The following TAFA1 variants were observed in gnomAD, a reference collection of about 807,000 sequenced individuals.
TAFA1 encodes the protein TAFA chemokine like family member 1.
A neutral mutation model predicts 18.5 loss-of-function variants in TAFA1; 4 were observed. That is an observed-to-expected ratio of 0.22 (90% CI 0.11 to 0.49). The LOEUF (loss-of-function observed/expected upper bound fraction) is 0.49, where lower values mean the gene tolerates loss of function less well. TAFA1 is among the 20% of genes least tolerant of loss of function. The pLI is 0.98. For missense variants in TAFA1, 147 were observed against 169.0 expected (o/e 0.87, Z 0.72); for synonymous variants, 56 against 55.2 (o/e 1.01, Z -0.06).
At chr3:68,092,077 T>A (rs1183502836) in intron 2 of TAFA1, among the ~76,000 whole-genome samples, 1 of 152,076 alleles carries the variant, frequency 6.6e-6, no homozygotes, top group Non-Finnish European at 1.5e-5. Context: ...AAGCCCAAAT[T>A]CTGTAATAAG....
intron 2 of TAFA1, among the ~76,000 whole-genome samples, chr3:68,263,659 G>A (rs560084122): frequency 8.7e-4 from 132 of 151,982 alleles, no homozygotes; most frequent in African/African-American, 3.0e-3. Context: ...GTGGAGGGGC[G>A]GGGGGCGGTC....
At chr3:68,046,248 A>AT (rs367580466) in intron 2 of TAFA1, among the ~76,000 whole-genome samples, 2,763 of 152,028 alleles carry the variant, frequency 0.018, 41 homozygotes, top group Non-Finnish European at 0.025. Flanking sequence ...GGTCTAGATG[A>AT]TTTTTTTTGT....
chr3:68,396,661 T>A (rs1005915429), intron 2 of TAFA1, among the ~76,000 whole-genome samples: 1 of 152,208 alleles, frequency 6.6e-6, no homozygotes, highest in African/African-American at 2.4e-5. Flanking sequence ...TCAACAAAAC[T>A]GCCATAGACA....
At chr3:68,400,858 G>A (rs1191641640) in intron 2 of TAFA1, among the ~76,000 whole-genome samples, 2 of 152,136 alleles carry the variant, frequency 1.3e-5, no homozygotes, top group African/African-American at 4.8e-5. Context: ...TGGCCTCAGC[G>A]GACTTTCATT....
At chr3:68,270,226 T>G (rs1559591207) in intron 2 of TAFA1, among the ~76,000 whole-genome samples, 1 of 152,160 alleles carries the variant, frequency 6.6e-6, no homozygotes, top group African/African-American at 2.4e-5. Flanking sequence ...TTAATCCCTC[T>G]AAGCCCCTGT....
chr3:68,529,471 A>C, intron 3 of TAFA1, among the ~76,000 whole-genome samples: 3 of 145,338 alleles, frequency 2.1e-5, no homozygotes, highest in Admixed American at 6.9e-5. Context: ...AAAAAAGAAC[A>C]CAAGCTGCTT....
At chr3:68,444,228 G>A (rs767161822) in intron 3 of TAFA1, among the ~76,000 whole-genome samples, 6 of 152,028 alleles carry the variant, frequency 3.9e-5, no homozygotes, top group African/African-American at 1.2e-4. Context: ...AGTGAAATAC[G>A]TTTTTTAAAA....
chr3:68,429,424 C>T (rs146302723), intron 3 of TAFA1, among the ~76,000 whole-genome samples: 1 of 151,858 alleles, frequency 6.6e-6, no homozygotes, highest in Non-Finnish European at 1.5e-5. Flanking sequence ...TAGATCATTC[C>T]TTCCAGGACA....
At chr3:68,288,052 T>C (rs902720) in intron 2 of TAFA1, among the ~76,000 whole-genome samples, 96,639 of 151,872 alleles carry the variant, frequency 0.64, 31,317 homozygotes, top group East Asian at 0.98. Flanking sequence ...GCGCTTTCCT[T>C]GGGTTCCGAA....
chr3:68,008,244 A>G (rs1373286450), intron 2 of TAFA1, among the ~76,000 whole-genome samples: 1 of 152,244 alleles, frequency 6.6e-6, no homozygotes, highest in East Asian at 1.9e-4. Context: ...CCCTCAGTGC[A>G]GCCGAGATGG....
intron 3 of TAFA1, among the ~76,000 whole-genome samples, chr3:68,489,597 A>G (rs1287975344): frequency 1.3e-5 from 2 of 152,184 alleles, no homozygotes; most frequent in Non-Finnish European, 1.5e-5. Context: ...AATTATTTTC[A>G]GAAAATAATA....
intron 3 of TAFA1, among the ~76,000 whole-genome samples, chr3:68,530,018 G>T (rs556572140): frequency 6.6e-6 from 1 of 152,232 alleles, no homozygotes; most frequent in African/African-American, 2.4e-5. Context: ...CTTCTTTCCT[G>T]TAATTTATGA....
intron 2 of TAFA1, among the ~76,000 whole-genome samples, chr3:68,381,364 A>G (rs2069950254): frequency 6.6e-6 from 1 of 151,480 alleles, no homozygotes; most frequent in Non-Finnish European, 1.5e-5. Flanking sequence ...CTTGGGCAGT[A>G]TGGCCATTTT....
intron 3 of TAFA1, among the ~76,000 whole-genome samples, chr3:68,515,854 T>G (rs1317373056): frequency 6.6e-6 from 1 of 152,218 alleles, no homozygotes; most frequent in Non-Finnish European, 1.5e-5. Flanking sequence ...TTTTTCCTTA[T>G]GAAACCTCTT....
intron 2 of TAFA1, among the ~76,000 whole-genome samples, chr3:68,182,081 C>T (rs563623311): frequency 7.9e-5 from 12 of 152,174 alleles, no homozygotes; most frequent in African/African-American, 1.9e-4. Context: ...GGGTGGCACA[C>T]GCTTGCAGTC....
intron 2 of TAFA1, among the ~76,000 whole-genome samples, chr3:68,113,129 A>G (rs1376339074): frequency 1.3e-5 from 2 of 152,226 alleles, no homozygotes; most frequent in Non-Finnish European, 2.9e-5. Context: ...AAAATCAACA[A>G]TAAGCTGAGA....
rs1227095237 is a variant in TAFA1, at chr3:68,081,512, T to G, written c.118+74768T>G. On this transcript the variant is annotated intron_variant, in intron 2 of 4. Transcript: ENST00000478136. ...TTTTGGTGTGGATGTCCTTTCTGTTTGTTAGTTTTCCTTCTAACAGACAGG... is the reference window on the plus strand; with the variant it reads ...TTTTGGTGTGGATGTCCTTTCTGTTGGTTAGTTTTCCTTCTAACAGACAGG... Among the ~76,000 whole-genome samples the G allele has an allele frequency of 5.3e-5, 8 of 151,986 alleles. No homozygotes were observed. The South Asian group carries it at 1.5e-3, about 28-fold the overall frequency.
intron 3 of TAFA1, among the ~76,000 whole-genome samples, chr3:68,483,601 G>T (rs905131852): frequency 1.3e-5 from 2 of 152,196 alleles, no homozygotes; most frequent in Non-Finnish European, 2.9e-5. Context: ...TTCAGAGAAT[G>T]CTAGTTGCAA....
intron 3 of TAFA1, among the ~76,000 whole-genome samples, chr3:68,437,514 T>G (rs889796585): frequency 1.3e-4 from 20 of 152,022 alleles, no homozygotes; most frequent in African/African-American, 4.6e-4. Flanking sequence ...TTCCTAGGAG[T>G]GACTCTGTAA....
Sources: gnomAD v4.1 joint callset for allele counts (sites outside exome capture counted in the v4.1 genomes callset) on GRCh38, gnomAD v4.1.1 for gene constraint, MANE v1.5 for transcripts, NCBI Gene and HGNC (gene_info 2026-07-23, HGNC 2026-07-21) for gene names.